CAMK2D: variants seen among roughly 807,000 people sequenced by gnomAD.
CAMK2D encodes the protein calcium/calmodulin-dependent protein kinase type II subunit delta.
Under a neutral mutation model 84.0 loss-of-function variants are expected in CAMK2D, and 37 were observed. The observed-to-expected ratio is 0.44, with a 90% CI of 0.34 to 0.58. The LOEUF (loss-of-function observed/expected upper bound fraction) is 0.58. Among genes scored for constraint, CAMK2D ranks in the 20% least tolerant of loss-of-function variants. CAMK2D has a pLI of 0.02. For missense variants in CAMK2D, 448 were observed against 652.5 expected (o/e 0.69, Z 3.41); for synonymous variants, 202 against 212.5 (o/e 0.95, Z 0.43).
At chr4:113,535,867 G>C (rs550610698) in intron 7 of CAMK2D, among the ~76,000 whole-genome samples, 1 of 152,162 alleles carries the variant, frequency 6.6e-6, no homozygotes, top group African/African-American at 2.4e-5. Context: ...CTTCCACCCT[G>C]AATGGTAAAT....
chr4:113,527,453 G>A (rs1207468864), intron 8 of CAMK2D, among the ~76,000 whole-genome samples: 2 of 151,868 alleles, frequency 1.3e-5, no homozygotes, highest in Non-Finnish European at 2.9e-5. Flanking sequence ...TAATGCTATC[G>A]TATACTTAAT....
At chr4:113,494,284 G>T (rs2097892760) in intron 16 of CAMK2D, among the ~76,000 whole-genome samples, 1 of 152,124 alleles carries the variant, frequency 6.6e-6, no homozygotes, top group South Asian at 2.1e-4. Flanking sequence ...TCTACTTTTG[G>T]TCTTTGATGA....
intron 4 of CAMK2D, among the ~76,000 whole-genome samples, chr4:113,570,104 A>G (rs2154220071): frequency 6.6e-6 from 1 of 152,288 alleles, no homozygotes; most frequent in Admixed American, 6.5e-5. Flanking sequence ...TCTATAAAAC[A>G]TTGATAAAAG....
chr4:113,464,992 C>G (rs1043970748), intron 17 of CAMK2D, among the ~76,000 whole-genome samples: 1 of 152,124 alleles, frequency 6.6e-6, no homozygotes, highest in Admixed American at 6.6e-5. Context: ...AAGAAATCTC[C>G]AATCGTTGGA....
chr4:113,760,693 T>C lies in CAMK2D; in HGVS notation c.65+311A>G, dbSNP rs183667646. 4.3e-4 allele frequency among the ~76,000 whole-genome samples: 66 copies of C among 152,122 alleles called. No individual in the cohort carries two copies. In the South Asian group the frequency reaches 0.013, roughly 30 times the overall value. ...ATTACACACAGGCGCGCGCGCACAC[T>C]TCTCAGGATGATAGCTACAACTGCA... On this transcript the variant is annotated intron_variant, in intron 1 of 20. Coordinates refer to ENST00000511664, the MANE Select transcript of CAMK2D (RefSeq NM_001321571.2).
At chr4:113,575,488 A>G (rs545349221) in intron 4 of CAMK2D, among the ~76,000 whole-genome samples, 1 of 152,212 alleles carries the variant, frequency 6.6e-6, no homozygotes, top group Non-Finnish European at 1.5e-5. Context: ...AAGACCCCGG[A>G]TCATAATTAT....
At chr4:113,754,760 A>G (rs2099624672) in intron 2 of CAMK2D, 1 of 980,286 alleles carries the variant, frequency 1.0e-6, no homozygotes, top group African/African-American at 1.7e-5. Flanking sequence ...AAGAAAATGA[A>G]TGTTTAATAT....
chr4:113,646,621 AG>A (rs2099153067), intron 3 of CAMK2D, among the ~76,000 whole-genome samples: 1 of 152,308 alleles, frequency 6.6e-6, no homozygotes, highest in African/African-American at 2.4e-5. Flanking sequence ...GGAGGATATC[AG>A]GAACAGGTGA....
intron 16 of CAMK2D, among the ~76,000 whole-genome samples, chr4:113,499,342 T>C (rs1224861958): frequency 1.3e-5 from 2 of 152,130 alleles, no homozygotes; most frequent in Non-Finnish European, 2.9e-5. Flanking sequence ...GTTAGGTCAG[T>C]GTGCTTAGTT....
intron 6 of CAMK2D, among the ~76,000 whole-genome samples, chr4:113,547,354 G>C (rs1016972449): frequency 5.9e-5 from 9 of 152,162 alleles, no homozygotes; most frequent in African/African-American, 1.9e-4. Context: ...AAACCCTACT[G>C]AAAGTCACAT....
Position 113,528,650 on chromosome 4 carries a change from C to A in CAMK2D, c.601+2566G>T, listed in dbSNP as rs573867647. Among the ~76,000 whole-genome samples the A allele has an allele frequency of 7.8e-4, 119 of 151,930 alleles. 1 individual carries two copies. The highest frequency in any genetic ancestry group is 7.9e-4 in the Admixed American group (12 of 15,274). On this transcript the variant is annotated intron_variant, in intron 8 of 20. Coordinates refer to ENST00000511664, the MANE Select transcript of CAMK2D (RefSeq NM_001321571.2). ...TCTAGTGTTCAAGGTCCAAATGCAG[C>A]GTTTTAGCTACAACCCCCTATCTTT...
At chr4:113,569,334 T>C (rs2098741200) in intron 4 of CAMK2D, among the ~76,000 whole-genome samples, 1 of 152,250 alleles carries the variant, frequency 6.6e-6, no homozygotes, top group Non-Finnish European at 1.5e-5. Flanking sequence ...AAAGTTTTTC[T>C]CCTACATGTT....
chr4:113,526,630 A>G (rs2098420130), intron 8 of CAMK2D, among the ~76,000 whole-genome samples: 1 of 151,910 alleles, frequency 6.6e-6, no homozygotes, highest in Non-Finnish European at 1.5e-5. Flanking sequence ...ATGAAATCTC[A>G]CTATTATAAG....
At chr4:113,491,524 G>T (rs1015934973) in intron 16 of CAMK2D, among the ~76,000 whole-genome samples, 29 of 152,030 alleles carry the variant, frequency 1.9e-4, no homozygotes, top group Non-Finnish European at 4.0e-4. Context: ...GCTTTTTGAC[G>T]TGCTGCTGGA....
chr4:113,588,616 A>G (rs879340747), intron 4 of CAMK2D, among the ~76,000 whole-genome samples: 10 of 152,166 alleles, frequency 6.6e-5, no homozygotes, highest in Non-Finnish European at 1.0e-4. Flanking sequence ...TATGTAACCA[A>G]AGTAGCAAGT....
At chr4:113,515,337 A>C (rs1190442940) in intron 9 of CAMK2D, 146 bp from the exon 10 acceptor site, 12 of 559,496 alleles carry the variant, frequency 2.1e-5, no homozygotes, top group Admixed American at 6.7e-5. Flanking sequence ...TCTAAAATAA[A>C]TAAAACCATT....
intron 16 of CAMK2D, among the ~76,000 whole-genome samples, chr4:113,489,151 T>TA (rs1554662135): frequency 6.6e-6 from 1 of 151,822 alleles, no homozygotes; most frequent in Non-Finnish European, 1.5e-5. Context: ...CTTTTTTTTT[T>TA]ATTATACTTT....
At chr4:113,488,215 G>A in intron 16 of CAMK2D, among the ~76,000 whole-genome samples, 1 of 152,238 alleles carries the variant, frequency 6.6e-6, no homozygotes, top group East Asian at 1.9e-4. Flanking sequence ...GAACAAAAAT[G>A]AGAAAGTTTT....
chr4:113,506,131 T>C (rs1018533816), intron 13 of CAMK2D, among the ~76,000 whole-genome samples: 5 of 152,100 alleles, frequency 3.3e-5, no homozygotes, highest in African/African-American at 1.2e-4. Context: ...ATAAAATAAA[T>C]GAGTATCAAA....
Sources: gnomAD v4.1 joint callset for allele counts (sites outside exome capture counted in the v4.1 genomes callset) on GRCh38, gnomAD v4.1.1 for gene constraint, MANE v1.5 for transcripts, NCBI Gene and HGNC (gene_info 2026-07-23, HGNC 2026-07-21) for gene names.